The following NIPAL3 variants were observed in gnomAD, a reference collection of about 807,000 sequenced individuals.
NIPAL3 encodes NIPA-like protein 3.
Under a neutral mutation model 47.2 loss-of-function variants are expected in NIPAL3, and 41 were observed. The observed-to-expected ratio is 0.87, with a 90% CI of 0.68 to 1.13. The LOEUF (loss-of-function observed/expected upper bound fraction) is 1.13. NIPAL3 is among the 50% of genes most tolerant of loss of function. The pLI is 0.00. For synonymous variants in NIPAL3, 194 were observed against 209.6 expected (o/e 0.93, Z 0.64); for missense variants, 449 against 530.1 (o/e 0.85, Z 1.50).
intron 4 of NIPAL3, among the ~76,000 whole-genome samples, chr1:24,443,159 C>G (rs1645478517): frequency 6.6e-6 from 1 of 151,954 alleles, no homozygotes; most frequent in South Asian, 2.1e-4. Context: ...ACCAGTGTTT[C>G]AGAACATTTG....
chr1:24,467,638 G>A lies in NIPAL3; in HGVS notation c.1022-1348G>A, dbSNP rs561396252. The stretch of plus-strand genomic sequence containing the variant: ...GTCATCCTGAGGATCAAATGAGATA[G>A]AACTTTATAACTATTTGGAACAGTA... On this transcript the variant is annotated intron_variant, in intron 11 of 11. Coordinates refer to ENST00000374399, the MANE Select transcript of NIPAL3 (RefSeq NM_020448.5). 1.3e-3 allele frequency among the ~76,000 whole-genome samples: 196 copies of A among 152,298 alleles called. 1 individual carries two copies. Among genetic ancestry groups the A allele is most frequent in the African/African-American group, 4.5e-3 (186 of 41,554 alleles).
At chr1:24,464,157 A>G in intron 11 of NIPAL3, 37 bp downstream of exon 11, 1 of 1,513,912 alleles carries the variant, frequency 6.6e-7, no homozygotes, top group Non-Finnish European at 9.1e-7. Flanking sequence ...CTGAACATCC[A>G]TATAGAATGA....
At chr1:24,445,021 T>G (rs528725918) in intron 4 of NIPAL3, among the ~76,000 whole-genome samples, 164 bp from the exon 5 acceptor site, 10 of 152,256 alleles carry the variant, frequency 6.6e-5, no homozygotes, top group Admixed American at 4.6e-4. Context: ...GAGCCTCCCT[T>G]TCCTAGATGG....
At position 24,442,095 on chromosome 1, in the gene NIPAL3, G is replaced by C; in HGVS notation, c.203G>C (p.Arg68Pro). 3.7e-6 allele frequency: 6 copies of C among 1,614,136 alleles called. No homozygotes were observed. Among genetic ancestry groups the C allele is most frequent in the Non-Finnish European group, 5.1e-6 (6 of 1,180,006 alleles). ...CGCCTGGCAGGCTCCAAGGATCCCC[G>C]GGCCTATTTCAAGACCAAGACATGG... ...HIRLAGSKDP[R>P]AYFKTKTWWL... The change falls in exon 4 of 12, where the codon CGG becomes CCG. Residue 68 changes from arginine to proline, a missense_variant. Arg to Pro is a moderately radical substitution (Grantham distance 103, BLOSUM62 -2). Coordinates refer to ENST00000374399, the MANE Select transcript of NIPAL3 (RefSeq NM_020448.5).
chr1:24,442,342 A>G lies in NIPAL3; in HGVS notation c.334+116A>G. 5.3e-6 allele frequency: 6 copies of G among 1,136,100 alleles called. No individual in the cohort carries two copies. In the Admixed American group the frequency reaches 9.2e-5, roughly 17 times the overall value. 70.4% of individuals were successfully genotyped at this position (1,136,100 alleles called of 1,614,324 possible). ...AACCAGCTTTAGCTTGGATAATAAT[A>G]GCCTAATACAAAGGGCTTCAGACAC... On this transcript the variant is annotated intron_variant, in intron 4 of 11. Coordinates refer to ENST00000374399, the MANE Select transcript of NIPAL3 (RefSeq NM_020448.5).
intron 2 of NIPAL3, chr1:24,433,297 A>C (rs1238869283): frequency 6.6e-6 from 1 of 152,204 alleles, no homozygotes; most frequent in African/African-American, 2.4e-5. Context: ...CCTTAGGATT[A>C]CGATGTCCTC....
Position 24,464,078 on chromosome 1 carries a change from C to T in NIPAL3, c.979C>T (p.Pro327Ser). Residue 327 changes from proline (P) to serine (S), a missense_variant, in exon 11 of 12, where the codon CCC becomes TCC. Pro to Ser is a moderately conservative substitution (Grantham distance 74). Coordinates refer to ENST00000374399, the MANE Select transcript of NIPAL3 (RefSeq NM_020448.5). ...VFLITRNRKKPIPFEPYISMD... is the reference protein window; with the variant it reads ...VFLITRNRKKSIPFEPYISMD... ...CTTAATCACGCGTAACAGGAAGAAG[C>T]CCATTCCATTTGAGCCCTATATTTC... 6.2e-7 allele frequency: 1 copy of T among 1,613,676 alleles called. No homozygotes were observed.
rs1271442576 is a variant in NIPAL3, at chr1:24,456,280, T to TAC, written c.773+9_773+10dup. On this transcript the variant is annotated splice_region_variant and intron_variant, in intron 8 of 11. Transcript: ENST00000374399. ...CCGCCGTCTATCAGGCTGCGTGAGT[T>TAC]ACAAATCCTTTTCCTGCTGGGCCCT... The TAC allele has an allele frequency of 6.2e-7, 1 of 1,614,094 alleles. No homozygotes were observed. Among genetic ancestry groups the TAC allele is most frequent in the Non-Finnish European group, 8.5e-7 (1 of 1,180,044 alleles).
At position 24,449,300 on chromosome 1, in the gene NIPAL3, TG is replaced by T. The variant is rs1313213875; in HGVS notation, c.395-180del. Among the ~76,000 whole-genome samples, 1 of 152,268 alleles carries T rather than the reference TG, an allele frequency of 6.6e-6. No homozygotes were observed. Among genetic ancestry groups the T allele is most frequent in the Non-Finnish European group, 1.5e-5 (1 of 68,042 alleles). On this transcript the variant is annotated intron_variant, in intron 5 of 11. Transcript: ENST00000374399. This position sits in a 1 kb window ranked among gnomAD's most constrained non-coding sequence, Gnocchi z 4.5. The stretch of plus-strand genomic sequence containing the variant: ...AAGTTTTTTATTTTTTTACATTAAT[TG>T]TTTTTTTAACAAAATTAAGGAAAAT...
chr1:24,456,653 C>T (rs1169416844), intron 8 of NIPAL3, among the ~76,000 whole-genome samples: 1 of 152,188 alleles, frequency 6.6e-6, no homozygotes, highest in African/African-American at 2.4e-5. Context: ...GTCCCAGCTA[C>T]TCAGGAAGCT....
intron 7 of NIPAL3, among the ~76,000 whole-genome samples, chr1:24,453,835 T>C (rs1372947578): frequency 6.6e-6 from 1 of 152,070 alleles, no homozygotes; most frequent in Non-Finnish European, 1.5e-5. Flanking sequence ...TCAGAGACGG[T>C]AGTAGTAGAG....
intron 11 of NIPAL3, among the ~76,000 whole-genome samples, chr1:24,466,950 G>A (rs1646723536): frequency 6.6e-6 from 1 of 152,148 alleles, no homozygotes; most frequent in Non-Finnish European, 1.5e-5. Context: ...GTCTTCCCAG[G>A]CCATTTGCAG....
Position 24,454,823 on chromosome 1 carries a change from G to C in NIPAL3, c.638-1315G>C, listed in dbSNP as rs542314611. ...AATAAAGTCGTATGCTTTGTGGCCT[G>C]ATATGACTGGCTTCTTTCACTGAGC... is the stretch of plus-strand genomic sequence containing the variant. On this transcript the variant is annotated intron_variant, in intron 7 of 11. Coordinates refer to ENST00000374399, the MANE Select transcript of NIPAL3 (RefSeq NM_020448.5). This position sits in a 1 kb window ranked among gnomAD's most constrained non-coding sequence, Gnocchi z 4.1. 6.6e-6 allele frequency: 1 copy of C among 152,520 alleles called. No homozygotes were observed. Among genetic ancestry groups the C allele is most frequent in the Admixed American group, 6.5e-5 (1 of 15,304 alleles). 9.4% of individuals were successfully genotyped at this position (152,520 alleles called of 1,614,324 possible).
intron 8 of NIPAL3, chr1:24,457,666 A>G (rs1408293304): frequency 6.0e-6 from 3 of 500,572 alleles, no homozygotes; most frequent in Admixed American, 2.2e-5. Context: ...CGGAGCTGAG[A>G]TCTGAACCCA....
At chr1:24,468,451 G>A (rs1646789474) in intron 11 of NIPAL3, among the ~76,000 whole-genome samples, 1 of 152,196 alleles carries the variant, frequency 6.6e-6, no homozygotes, top group Non-Finnish European at 1.5e-5. Context: ...CCTTGTCAAA[G>A]TACCCAGAAG....
intron 5 of NIPAL3, among the ~76,000 whole-genome samples, chr1:24,446,069 CGT>C (rs58016013): frequency 0.23 from 33,633 of 147,428 alleles, 4,322 homozygotes; most frequent in South Asian, 0.34. Context: ...AGATTATAGT[CGT>C]GTGTGTGTGT....
rs561736007 is a variant in NIPAL3, at chr1:24,462,381, G to C, written c.927-1645G>C. On this transcript the variant is annotated intron_variant, in intron 10 of 11. Coordinates refer to ENST00000374399, the MANE Select transcript of NIPAL3 (RefSeq NM_020448.5). Reference sequence around the variant, plus strand: ...TTATATAGTAGCTTTATTCATCATAGGTCTAAATTGGAAACAACCCAAATG... The same window carrying C: ...TTATATAGTAGCTTTATTCATCATACGTCTAAATTGGAAACAACCCAAATG... Among the ~76,000 whole-genome samples, 12 of 152,254 alleles carry C rather than the reference G, an allele frequency of 7.9e-5. No individual in the cohort carries two copies. The East Asian group carries it at 9.7e-4, about 12-fold the overall frequency.
In NIPAL3 at chr1:24,449,441, G is replaced by T. The variant is rs777944945; in HGVS notation, c.395-40G>T. On this transcript the variant is annotated intron_variant, in intron 5 of 11. Transcript: ENST00000374399. The surrounding 1 kb of genome is among the most constrained non-coding windows in gnomAD (Gnocchi z 4.5). The stretch of plus-strand genomic sequence containing the variant: ...AGAACGTGTACTGTATCTTGGGCCT[G>T]TTGTTGCAATGAGTCCGTGACAGCC... 2.5e-6 allele frequency: 4 copies of T among 1,608,854 alleles called. No homozygotes were observed. The highest frequency in any genetic ancestry group is 1.7e-5 in the Admixed American group (1 of 59,966).
chr1:24,435,743 A>G (rs1645072036), intron 2 of NIPAL3, among the ~76,000 whole-genome samples: 1 of 152,210 alleles, frequency 6.6e-6, no homozygotes, highest in Non-Finnish European at 1.5e-5. Context: ...CGTTGACACC[A>G]TGGGGAGGAG....
Sources: allele counts gnomAD v4.1 joint callset (sites outside exome capture counted in the v4.1 genomes callset), GRCh38; gene constraint gnomAD v4.1.1; non-coding constraint Gnocchi (gnomAD v3.1); transcripts MANE v1.5; gene names NCBI Gene and HGNC (gene_info 2026-07-23, HGNC 2026-07-21).